Variants in CFAP58 observed in about 807,000 individuals in gnomAD.
The protein encoded by CFAP58 is cilia- and flagella-associated protein 58.
CFAP58 carries 88 observed loss-of-function variants against 119.5 expected under a neutral mutation model. The ratio of observed to expected loss-of-function variants is 0.74; its 90% CI spans 0.62 to 0.88. The LOEUF (loss-of-function observed/expected upper bound fraction) is 0.88. CFAP58 is among the 40% of genes least tolerant of loss of function. The pLI is 0.00. For synonymous variants in CFAP58, 365 were observed against 366.3 expected (o/e 1.00, Z 0.04); for missense variants, 990 against 1,021.2 (o/e 0.97, Z 0.42).
At chr10:104,375,691 A>G (rs1207916342) in intron 7 of CFAP58, among the ~76,000 whole-genome samples, 1 of 151,952 alleles carries the variant, frequency 6.6e-6, no homozygotes, top group African/African-American at 2.4e-5. Flanking sequence ...TTGGTTTCAT[A>G]TATTTTAGAA....
chr10:104,453,334 G>A (rs2013223956), intron 17 of CFAP58, among the ~76,000 whole-genome samples: 1 of 152,150 alleles, frequency 6.6e-6, no homozygotes, highest in African/African-American at 2.4e-5. Context: ...CAGATGGGTT[G>A]GTTACCAATC....
At chr10:104,349,080 C>G (rs2014430116), upstream of CFAP58, among the ~76,000 whole-genome samples, 1 of 152,104 alleles carries the variant, frequency 6.6e-6, no homozygotes, top group Non-Finnish European at 1.5e-5. Flanking sequence ...AACTCTGTCT[C>G]TAACAAAAAT....
chr10:104,429,030 T>C lies in CFAP58; in HGVS notation c.2257-18668T>C, dbSNP rs532586231. Among the ~76,000 whole-genome samples, 6 of 152,294 alleles carry C rather than the reference T, an allele frequency of 3.9e-5. No homozygotes were observed. The South Asian group carries it at 8.3e-4, about 21-fold the overall frequency. The stretch of plus-strand genomic sequence containing the variant: ...AAAGGATCAAGGCACAGAGGATCCA[T>C]TGATTTTGTTGAATTCGTAGCAGCT... On this transcript the variant is annotated intron_variant, in intron 15 of 17. Coordinates refer to ENST00000369704, the MANE Select transcript of CFAP58 (RefSeq NM_001008723.2).
rs1327889616 is a variant in CFAP58, at chr10:104,362,068, G to A, written c.337G>A (p.Glu113Lys). The A allele has an allele frequency of 1.2e-6, 2 of 1,614,104 alleles. No individual in the cohort carries two copies. Among genetic ancestry groups the A allele is most frequent in the Admixed American group, 3.3e-5 (2 of 60,000 alleles). ...GATGGTGGACTCAGCCTATGACAAA[G>A]AGCAGAAGGCCAAGGAGACGATTCT... ...WKMVDSAYDK[E>K]QKAKETILAL... Residue 113 changes from glutamate (E) to lysine (K), a missense_variant, in exon 3 of 18, where the codon GAG (glutamate) becomes AAG (lysine). Transcript: ENST00000369704.
the CFAP58 span, among the ~76,000 whole-genome samples, chr10:104,346,115 C>A: frequency 6.6e-6 from 1 of 151,788 alleles, no homozygotes; most frequent in Admixed American, 6.6e-5. Flanking sequence ...TGGTGTGTCA[C>A]GTGGCAAGAG....
At position 104,358,535 on chromosome 10, in the gene CFAP58, T is replaced by G; in HGVS notation, c.204T>G (p.Asn68Lys). 1 of 1,614,160 alleles carries G rather than the reference T, an allele frequency of 6.2e-7. No individual in the cohort carries two copies. The highest frequency in any genetic ancestry group is 1.1e-5 in the South Asian group (1 of 91,086). The part of the protein sequence containing the change: ...KRLMAKCREL[N>K]AEIVVNSAKV... The stretch of plus-strand genomic sequence containing the variant: ...TGATGGCCAAATGCAGAGAGCTAAA[T>G]GCAGAGATTGTAGTGAATTCTGCGA... Residue 68 changes from asparagine to lysine, a missense_variant, in exon 2 of 18, where the codon AAT (asparagine) becomes AAG (lysine). By Grantham distance (94) the Asn-to-Lys change is moderately conservative. Transcript: ENST00000369704.
At chr10:104,395,939 C>A (rs970151752) in intron 11 of CFAP58, among the ~76,000 whole-genome samples, 1 of 152,184 alleles carries the variant, frequency 6.6e-6, no homozygotes. Context: ...TTCATTCATC[C>A]CCTTCAGCAG....
intron 10 of CFAP58, 145 bp downstream of exon 10, chr10:104,392,539 T>C: frequency 1.9e-6 from 1 of 523,368 alleles, no homozygotes; most frequent in South Asian, 3.8e-5. Context: ...TACGCAAAAC[T>C]GTCAGGTTAT....
At position 104,399,468 on chromosome 10, in the gene CFAP58, G is replaced by A; in HGVS notation, c.1783G>A (p.Glu595Lys). Residue 595 changes from glutamate (E) to lysine (K), a missense_variant, in exon 12 of 18, where the codon GAG (glutamate) becomes AAG (lysine). By Grantham distance (56) the Glu-to-Lys change is moderately conservative. Coordinates refer to ENST00000369704, the MANE Select transcript of CFAP58 (RefSeq NM_001008723.2). ...LLRIIAEADG[E>K]RLRQKKELDQ... is the part of the protein sequence containing the mutation. ...GCGAATAATTGCTGAGGCTGACGGG[G>A]AGAGGTTGAGACAGAAGAAGGAATT... 1 of 1,613,806 alleles carries A rather than the reference G, an allele frequency of 6.2e-7. No individual in the cohort carries two copies. The highest frequency in any genetic ancestry group is 8.5e-7 in the Non-Finnish European group (1 of 1,179,858).
intron 15 of CFAP58, among the ~76,000 whole-genome samples, chr10:104,429,953 CG>C: frequency 6.6e-6 from 1 of 151,940 alleles, no homozygotes; most frequent in African/African-American, 2.4e-5. Context: ...TCCTCCCACT[CG>C]GGGAGGGGTC....
Position 104,447,809 on chromosome 10 carries a change from C to A in CFAP58, c.2368C>A (p.Gln790Lys). 1.2e-6 allele frequency: 2 copies of A among 1,612,540 alleles called. No homozygotes were observed. ...ACGCACGCTGCATGACAAGAAGCAG[C>A]AGCTGAAAGTAAGTGGTAGCCCCTG... ...YRRTLHDKKQQLKVLSSELNM... is the reference protein window; with the variant it reads ...YRRTLHDKKQKLKVLSSELNM... The change falls in exon 16 of 18, where the codon CAG (glutamine) becomes AAG (lysine). Residue 790 changes from glutamine to lysine, a missense_variant. By Grantham distance (53) the Gln-to-Lys change is moderately conservative (BLOSUM62 1). Coordinates refer to ENST00000369704, the MANE Select transcript of CFAP58 (RefSeq NM_001008723.2).
intron 17 of CFAP58, 127 bp downstream of exon 17, chr10:104,450,331 A>T: frequency 1.1e-6 from 1 of 949,050 alleles, no homozygotes. Context: ...AACAAATGAC[A>T]TTCTACAGGT....
At chr10:104,405,179 A>C (rs1465306014) in intron 14 of CFAP58, among the ~76,000 whole-genome samples, 1 of 152,222 alleles carries the variant, frequency 6.6e-6, no homozygotes, top group African/African-American at 2.4e-5. Context: ...ATGTGTGCCA[A>C]ATCTAGTCCC....
At chr10:104,354,016 C>A in intron 1 of CFAP58, 110 bp downstream of exon 1, 1 of 1,360,296 alleles carries the variant, frequency 7.4e-7, no homozygotes, top group Non-Finnish European at 1.0e-6. Context: ...CCATCAACAT[C>A]TTATTCCCCT....
rs1038022931 is a variant in CFAP58 at position 104,398,261 on chromosome 10, T to A, written c.1675-1099T>A. Among the ~76,000 whole-genome samples, 5 of 152,252 alleles carry A rather than the reference T, an allele frequency of 3.3e-5. No individual in the cohort carries two copies. In the South Asian group the frequency reaches 1.0e-3, roughly 32 times the overall value. ...TTCAATGGATGGCGAATCCCTCAAG[T>A]CTTGCTTATCTTCTATATTTAATTT... On this transcript the variant is annotated intron_variant, in intron 11 of 17. Transcript: ENST00000369704.
intron 15 of CFAP58, among the ~76,000 whole-genome samples, chr10:104,411,708 C>G (rs963093129): frequency 5.3e-5 from 8 of 151,796 alleles, no homozygotes; most frequent in African/African-American, 1.9e-4. Flanking sequence ...TATACTAGAA[C>G]CTCAAACTCT....
chr10:104,357,870 CATATATGTACACATATATAAACAT>C (rs2014578710), intron 1 of CFAP58, among the ~76,000 whole-genome samples: 1 of 124,516 alleles, frequency 8.0e-6, no homozygotes, highest in African/African-American at 3.2e-5. Context: ...CATATATACA[CATATATGTACACATATATAAACAT>C]ATATGTACAC....
At chr10:104,398,205 G>A (rs982817371) in intron 11 of CFAP58, among the ~76,000 whole-genome samples, 12 of 152,192 alleles carry the variant, frequency 7.9e-5, no homozygotes, top group Admixed American at 5.9e-4. Context: ...TAGGTAGATA[G>A]CATTTTCACA....
At chr10:104,407,070 A>G (rs540379101) in intron 15 of CFAP58, among the ~76,000 whole-genome samples, 1 of 152,290 alleles carries the variant, frequency 6.6e-6, no homozygotes, top group South Asian at 2.1e-4. Flanking sequence ...CTACAGTTTT[A>G]TTTATCAGAT....
Sources: gnomAD v4.1 joint callset for allele counts (sites outside exome capture counted in the v4.1 genomes callset) on GRCh38, gnomAD v4.1.1 for gene constraint, MANE v1.5 for transcripts, NCBI Gene and HGNC (gene_info 2026-07-23, HGNC 2026-07-21) for gene names.